Variants in ROBO2 observed in about 807,000 individuals in gnomAD.
The protein encoded by ROBO2 is roundabout homolog 2.
In ROBO2, 53 loss-of-function variants were observed where a neutral mutation model predicts 160.8. The observed-to-expected ratio is 0.33, with a 90% CI of 0.26 to 0.41. The LOEUF is 0.41. Ranked by LOEUF, ROBO2 falls within the 10% of genes least tolerant of loss-of-function variation. ROBO2 has a pLI of 1.00. For missense variants in ROBO2, 1,577 were observed against 1,722.4 expected, an observed-to-expected ratio of 0.92 and a Z score of 1.49; for synonymous variants, 664 against 611.7, an observed-to-expected ratio of 1.09 and a Z score of -1.26.
At chr3:77,508,352 C>T (rs2088875671) in intron 5 of ROBO2, among the ~76,000 whole-genome samples, 2 of 147,276 alleles carry the variant, frequency 1.4e-5, no homozygotes, top group East Asian at 2.0e-4. Flanking sequence ...TTATATAAAA[C>T]ATATATTATT....
At chr3:77,622,557 T>C in intron 23 of ROBO2, 125 bp downstream of exon 24, 2 of 832,810 alleles carry the variant, frequency 2.4e-6, no homozygotes, top group Non-Finnish European at 3.8e-6. Context: ...TTTAAATGTG[T>C]TAATATTAAA....
At chr3:75,908,748 C>T (rs1193620687) in intron 1 of ROBO2, among the ~76,000 whole-genome samples, 1 of 152,066 alleles carries the variant, frequency 6.6e-6, no homozygotes, top group Non-Finnish European at 1.5e-5. Flanking sequence ...GAGTTATTTT[C>T]CATATTTAGA....
intron 2 of ROBO2, among the ~76,000 whole-genome samples, chr3:76,119,916 C>CCCTCCCTCCCTCCCTTCCTTCCTT (rs1377854643): frequency 9.0e-4 from 79 of 88,168 alleles, no homozygotes; most frequent in African/African-American, 3.0e-3. Context: ...TTCCCTCCCT[C>CCCTCCCTCCCTCCCTTCCTTCCTT]CCTTCCTTCC....
intron 2 of ROBO2, among the ~76,000 whole-genome samples, chr3:77,098,843 G>A (rs535550458): frequency 3.3e-5 from 5 of 150,920 alleles, no homozygotes; most frequent in Non-Finnish European, 5.9e-5. Context: ...GCGACAGAGC[G>A]AGACTCCGTC....
At chr3:76,902,284 T>C (rs2075292495) in intron 2 of ROBO2, among the ~76,000 whole-genome samples, 1 of 152,022 alleles carries the variant, frequency 6.6e-6, no homozygotes, top group African/African-American at 2.4e-5. Flanking sequence ...TTTTAATATA[T>C]ATAAAGGCTA....
In ROBO2 at chr3:76,876,052, A is replaced by G. The variant is rs182927510; in HGVS notation, c.110-221962A>G. On this transcript the variant is annotated intron_variant, in intron 2 of 26. Transcript: ENST00000487694. ...AGATTTTTAATTTAATCATATCTGC[A>G]CAGTCCCTTTGTCATGTCAAGGTAA... Among the ~76,000 whole-genome samples, 249 of 152,120 alleles carry G rather than the reference A, an allele frequency of 1.6e-3. 1 individual carries two copies. Among genetic ancestry groups the G allele is most frequent in the African/African-American group, 5.8e-3 (240 of 41,508 alleles).
At chr3:76,733,104 A>T (rs2093661029) in intron 2 of ROBO2, among the ~76,000 whole-genome samples, 1 of 152,092 alleles carries the variant, frequency 6.6e-6, no homozygotes, top group Admixed American at 6.5e-5. Flanking sequence ...AAGAAGAGAG[A>T]TATTCACTGG....
chr3:77,317,618 A>C, intron 2 of ROBO2: 1 of 812,778 alleles, frequency 1.2e-6, no homozygotes. Context: ...CTTCTGCTCA[A>C]AGGTGGCGGC....
At chr3:76,089,355 TA>T (rs528669830) in intron 2 of ROBO2, among the ~76,000 whole-genome samples, 1 of 151,426 alleles carries the variant, frequency 6.6e-6, no homozygotes, top group Admixed American at 6.6e-5. Context: ...TTTACCCTAA[TA>T]AAAAAAACCA....
chr3:77,026,971 A>C (rs2149531642), intron 2 of ROBO2, among the ~76,000 whole-genome samples: 1 of 152,332 alleles, frequency 6.6e-6, no homozygotes, highest in South Asian at 2.1e-4. Context: ...TTAAAGCAAC[A>C]GGTTTTTAGA....
intron 2 of ROBO2, among the ~76,000 whole-genome samples, chr3:76,054,827 G>A (rs2067780038): frequency 1.3e-5 from 2 of 152,144 alleles, no homozygotes; most frequent in Non-Finnish European, 2.9e-5. Flanking sequence ...TGGTATGCTT[G>A]CTTATGCATT....
intron 2 of ROBO2, among the ~76,000 whole-genome samples, chr3:77,004,377 T>G (rs2149433201): frequency 6.6e-6 from 1 of 152,316 alleles, no homozygotes; most frequent in African/African-American, 2.4e-5. Context: ...TTTTAGTTCT[T>G]TGTTGCTTGC....
At chr3:76,775,983 A>G (rs1032774151) in intron 2 of ROBO2, among the ~76,000 whole-genome samples, 2 of 150,878 alleles carry the variant, frequency 1.3e-5, no homozygotes, top group Admixed American at 6.6e-5. Flanking sequence ...ATCACAACCC[A>G]CAATATCACT....
intron 2 of ROBO2, among the ~76,000 whole-genome samples, chr3:76,196,428 C>T (rs1461493116): frequency 6.6e-6 from 1 of 152,064 alleles, no homozygotes; most frequent in Non-Finnish European, 1.5e-5. Flanking sequence ...ATATATTTCT[C>T]AAGAATTCCT....
At position 77,209,907 on chromosome 3, in the gene ROBO2, T is replaced by C. The variant is rs944461474; in HGVS notation, c.388+111567T>C. On this transcript the variant is annotated intron_variant, in intron 2 of 25. Coordinates refer to ENST00000461745, the Ensembl canonical transcript of ROBO2. ...CAGAGATTTGTAAAAATCACCCAGG[T>C]GATTCTAATGTGTGGGGATCTTTTA... Among the ~76,000 whole-genome samples, 4 of 152,256 alleles carry C rather than the reference T, an allele frequency of 2.6e-5. No homozygotes were observed. The East Asian group carries it at 5.8e-4, about 22-fold the overall frequency.
At chr3:77,204,930 G>A (rs549042269) in intron 2 of ROBO2, among the ~76,000 whole-genome samples, 1 of 152,346 alleles carries the variant, frequency 6.6e-6, no homozygotes, top group African/African-American at 2.4e-5. Context: ...CAGGGGTGTA[G>A]CTCCCCTGTT....
At chr3:77,111,881 C>T (rs1329180478) in intron 2 of ROBO2, among the ~76,000 whole-genome samples, 1 of 152,072 alleles carries the variant, frequency 6.6e-6, no homozygotes, top group Non-Finnish European at 1.5e-5. Flanking sequence ...TTCTAAGTAC[C>T]TGTTTAAATT....
intron 6 of ROBO2, among the ~76,000 whole-genome samples, chr3:77,543,339 T>C (rs2092561526): frequency 6.6e-6 from 1 of 152,216 alleles, no homozygotes; most frequent in Non-Finnish European, 1.5e-5. Flanking sequence ...TCCCATCTCC[T>C]GTACCAACCA....
chr3:77,292,018 C>T (rs556619328), intron 2 of ROBO2, among the ~76,000 whole-genome samples: 1 of 150,756 alleles, frequency 6.6e-6, no homozygotes, highest in African/African-American at 2.4e-5. Flanking sequence ...GGCTAGATCA[C>T]CCCAGAAATA....
Sources: allele counts gnomAD v4.1 joint callset (sites outside exome capture counted in the v4.1 genomes callset), GRCh38; gene constraint gnomAD v4.1.1; transcripts MANE v1.5; gene names NCBI Gene and HGNC (gene_info 2026-07-23, HGNC 2026-07-21).